The following IGF1 variants were observed in gnomAD, a reference collection of about 807,000 sequenced individuals.
The protein encoded by IGF1 is insulin like growth factor 1.
IGF1 carries 4 observed loss-of-function variants against 13.8 expected under a neutral mutation model. That is an observed-to-expected ratio of 0.29 (90% CI 0.14 to 0.66). The LOEUF (loss-of-function observed/expected upper bound fraction) is 0.66, where lower values mean the gene tolerates loss of function less well. IGF1 is among the 30% of genes least tolerant of loss of function. IGF1 has a pLI of 0.78. For synonymous variants in IGF1, 76 were observed against 72.6 expected, an observed-to-expected ratio of 1.05 and a Z score of -0.23; for missense variants, 124 against 188.5, an observed-to-expected ratio of 0.66 and a Z score of 2.00.
At chr12:102,413,748 G>A (rs780150712) in intron 3 of IGF1, among the ~76,000 whole-genome samples, 14 of 152,120 alleles carry the variant, frequency 9.2e-5, no homozygotes, top group Admixed American at 2.6e-4. Context: ...TGAAATGAAA[G>A]CACGTATTAC....
intron 2 of IGF1, among the ~76,000 whole-genome samples, chr12:102,470,922 C>G (rs771107316): frequency 4.6e-5 from 7 of 152,184 alleles, no homozygotes; most frequent in Non-Finnish European, 1.0e-4. Context: ...CACTTGACCT[C>G]ACAGTCAGGA....
At position 102,458,020 on chromosome 12, in the gene IGF1, G is replaced by A. The variant is rs146132957; in HGVS notation, c.220+17623C>T. ...GAAAAATAATGACTTTCTTCTTCTT[G>A]GTCAATATTTTGCAACTGGTCATTC... is the stretch of plus-strand genomic sequence containing the variant. On this transcript the variant is annotated intron_variant, in intron 2 of 3. Coordinates refer to ENST00000337514, the MANE Select transcript of IGF1 (RefSeq NM_000618.5). Among the ~76,000 whole-genome samples the A allele has an allele frequency of 3.9e-5, 6 of 152,078 alleles. No homozygotes were observed. The East Asian group carries it at 9.7e-4, about 25-fold the overall frequency.
At chr12:102,427,375 G>T (rs1183631665) in intron 2 of IGF1, among the ~76,000 whole-genome samples, 1 of 152,188 alleles carries the variant, frequency 6.6e-6, no homozygotes, top group Admixed American at 6.5e-5. Context: ...GCATTCGTGA[G>T]TCGAGGGTAA....
At chr12:102,444,333 A>G (rs567418408) in intron 2 of IGF1, among the ~76,000 whole-genome samples, 1 of 152,016 alleles carries the variant, frequency 6.6e-6, no homozygotes, top group Admixed American at 6.5e-5. Context: ...CACAGAGCAA[A>G]AGTTCAGATT....
At chr12:102,456,202 A>AT (rs1879380826) in intron 2 of IGF1, among the ~76,000 whole-genome samples, 1 of 142,028 alleles carries the variant, frequency 7.0e-6, no homozygotes. Flanking sequence ...AACTTATTCA[A>AT]TTTTTTCCAT....
At chr12:102,450,385 T>A (rs1878811806) in intron 2 of IGF1, among the ~76,000 whole-genome samples, 1 of 152,260 alleles carries the variant, frequency 6.6e-6, no homozygotes. Flanking sequence ...CTTTCCACTT[T>A]CTTTGTGAAG....
chr12:102,406,813 C>T (rs1397747881), intron 3 of IGF1, among the ~76,000 whole-genome samples: 1 of 152,098 alleles, frequency 6.6e-6, no homozygotes, highest in Non-Finnish European at 1.5e-5. Flanking sequence ...GATTACTGTG[C>T]CAGGTGTGGT....
rs374180031 is a variant in IGF1 at position 102,420,408 on chromosome 12, A to G, written c.221-718T>C. 5.3e-5 allele frequency among the ~76,000 whole-genome samples: 8 copies of G among 152,178 alleles called. No homozygotes were observed. In the East Asian group the frequency reaches 1.3e-3, roughly 26 times the overall value. On this transcript the variant is annotated intron_variant, in intron 2 of 3. Transcript: ENST00000337514. ...ATGGAGTTAATAATATCTTCCTTGT[A>G]AGAATTGTTTGAGGATTAAATGAAA...
intron 2 of IGF1, among the ~76,000 whole-genome samples, chr12:102,465,381 G>A (rs974213966): frequency 2.0e-5 from 3 of 152,102 alleles, no homozygotes; most frequent in Admixed American, 1.3e-4. Context: ...CCCATTTTAC[G>A]ATAAGCTATG....
intron 2 of IGF1, among the ~76,000 whole-genome samples, chr12:102,473,251 C>G (rs867584620): frequency 8.5e-5 from 13 of 152,154 alleles, no homozygotes; most frequent in African/African-American, 3.1e-4. Context: ...GGTTATTTTT[C>G]TCTTATGACA....
At chr12:102,402,999 A>T (rs1253690883) in intron 3 of IGF1, among the ~76,000 whole-genome samples, 1 of 152,198 alleles carries the variant, frequency 6.6e-6, no homozygotes, top group Admixed American at 6.5e-5. Flanking sequence ...AAAAAGAGAC[A>T]TTTATTTTTC....
chr12:102,405,313 C>A (rs5742695), intron 3 of IGF1, among the ~76,000 whole-genome samples: 16 of 150,428 alleles, frequency 1.1e-4, no homozygotes, highest in Admixed American at 1.1e-3. Context: ...GTCTTGAACT[C>A]CTGACCTCAG....
chr12:102,465,936 C>CAAATAAATAAAT (rs3032454), intron 2 of IGF1, among the ~76,000 whole-genome samples: 6 of 139,390 alleles, frequency 4.3e-5, no homozygotes, highest in East Asian at 2.1e-4. Context: ...GACTCTGTTT[C>CAAATAAATAAAT]AAATAAATAA....
At chr12:102,466,920 C>G (rs1055636240) in intron 2 of IGF1, among the ~76,000 whole-genome samples, 1 of 151,940 alleles carries the variant, frequency 6.6e-6, no homozygotes, top group Non-Finnish European at 1.5e-5. Flanking sequence ...AAACAAAAAC[C>G]AAAATGAAAA....
chr12:102,451,112 CAT>C (rs1878876925), intron 2 of IGF1, among the ~76,000 whole-genome samples: 1 of 152,178 alleles, frequency 6.6e-6, no homozygotes, highest in African/African-American at 2.4e-5. Flanking sequence ...GTCACAGTTT[CAT>C]ATACAGAATT....
chr12:102,432,810 T>A (rs779844729), intron 2 of IGF1, among the ~76,000 whole-genome samples: 18 of 152,342 alleles, frequency 1.2e-4, no homozygotes, highest in Middle Eastern at 3.4e-3. Flanking sequence ...AACCTGCACG[T>A]TGTGCACATG....
At chr12:102,412,915 A>G (rs1007012377) in intron 3 of IGF1, among the ~76,000 whole-genome samples, 2 of 152,228 alleles carry the variant, frequency 1.3e-5, no homozygotes, top group African/African-American at 2.4e-5. Flanking sequence ...AAGGAGTCCC[A>G]TTAAAAAAGG....
intron 3 of IGF1, among the ~76,000 whole-genome samples, chr12:102,414,968 G>C (rs556971955): frequency 6.6e-6 from 1 of 152,174 alleles, no homozygotes; most frequent in Non-Finnish European, 1.5e-5. Flanking sequence ...GAAACATTAA[G>C]GGGAGTAATA....
chr12:102,480,148 TC>T (rs1240198368), intron 1 of IGF1, among the ~76,000 whole-genome samples, 170 bp downstream of exon 1: 1 of 152,168 alleles, frequency 6.6e-6, no homozygotes. Context: ...TGCATCCATC[TC>T]CCCGAGCTAT....
Sources: allele counts gnomAD v4.1 joint callset (sites outside exome capture counted in the v4.1 genomes callset), GRCh38; gene constraint gnomAD v4.1.1; transcripts MANE v1.5; gene names NCBI Gene and HGNC (gene_info 2026-07-23, HGNC 2026-07-21).